Variants in FHIT observed in about 807,000 individuals in gnomAD.
FHIT encodes the protein bis(5'-adenosyl)-triphosphatase.
In FHIT, 19 loss-of-function variants were observed where a neutral mutation model predicts 17.9. The ratio of observed to expected loss-of-function variants is 1.06; its 90% CI spans 0.74 to 1.56. The LOEUF (loss-of-function observed/expected upper bound fraction) is 1.56, where lower values mean the gene tolerates loss of function less well. Ranked by LOEUF, FHIT falls within the 40% of genes most tolerant of loss-of-function variation. FHIT has a pLI of 0.00. For missense variants in FHIT, 248 were observed against 189.2 expected (o/e 1.31, Z -1.82); for synonymous variants, 81 against 69.7 (o/e 1.16, Z -0.81).
At chr3:61,047,638 G>T (rs1227237994) in intron 2 of FHIT, among the ~76,000 whole-genome samples, 1 of 152,078 alleles carries the variant, frequency 6.6e-6, no homozygotes, top group Non-Finnish European at 1.5e-5. Flanking sequence ...CTACTTTAAA[G>T]TTCATATGGA....
At chr3:60,981,327 C>T (rs1710484656) in intron 3 of FHIT, among the ~76,000 whole-genome samples, 1 of 123,734 alleles carries the variant, frequency 8.1e-6, no homozygotes, top group Non-Finnish European at 1.6e-5. Context: ...TTTTTTTTGA[C>T]AGAGTCTCAC....
chr3:60,168,146 C>A (rs1434395937), intron 5 of FHIT, among the ~76,000 whole-genome samples: 1 of 152,134 alleles, frequency 6.6e-6, no homozygotes, highest in Non-Finnish European at 1.5e-5. Context: ...TCCAAAAACT[C>A]CTAGTCAGTA....
At chr3:60,854,035 T>C (rs781903331) in intron 3 of FHIT, among the ~76,000 whole-genome samples, 1 of 152,048 alleles carries the variant, frequency 6.6e-6, no homozygotes, top group Non-Finnish European at 1.5e-5. Flanking sequence ...GCCTAAAACA[T>C]AATACCCAGG....
At chr3:60,666,176 T>C in intron 4 of FHIT, among the ~76,000 whole-genome samples, 1 of 152,206 alleles carries the variant, frequency 6.6e-6, no homozygotes, top group South Asian at 2.1e-4. Context: ...TACCCACAAA[T>C]GTCTTTCCAA....
intron 2 of FHIT, among the ~76,000 whole-genome samples, chr3:61,090,914 G>C (rs1223039654): frequency 6.6e-6 from 1 of 152,124 alleles, no homozygotes; most frequent in African/African-American, 2.4e-5. Flanking sequence ...AGAGCTTTCT[G>C]ATTCTGCTGT....
intron 7 of FHIT, among the ~76,000 whole-genome samples, chr3:60,005,168 A>T (rs750275839): frequency 2.6e-5 from 4 of 151,958 alleles, no homozygotes; most frequent in Admixed American, 6.6e-5. Context: ...CATCTCTTTC[A>T]CCTTAGCTGC....
chr3:60,020,995 T>C (rs943434338), intron 5 of FHIT, among the ~76,000 whole-genome samples: 9 of 152,182 alleles, frequency 5.9e-5, no homozygotes, highest in African/African-American at 2.2e-4. Context: ...GGGATTAACA[T>C]ACTCATTTCA....
chr3:60,251,969 T>C (rs933941657), intron 5 of FHIT, among the ~76,000 whole-genome samples: 3 of 152,182 alleles, frequency 2.0e-5, no homozygotes, highest in African/African-American at 7.2e-5. Flanking sequence ...AAATTCCAGC[T>C]AACTCTGGAA....
intron 5 of FHIT, among the ~76,000 whole-genome samples, chr3:60,321,339 G>A (rs114881742): frequency 6.6e-6 from 1 of 152,192 alleles, no homozygotes; most frequent in Non-Finnish European, 1.5e-5. Context: ...AGCCAGGCGT[G>A]GTGGCATACA....
chr3:60,487,970 T>G (rs1228171095), intron 5 of FHIT, among the ~76,000 whole-genome samples: 2 of 152,178 alleles, frequency 1.3e-5, no homozygotes, highest in African/African-American at 4.8e-5. Flanking sequence ...ATGCCAAGTA[T>G]TAAAGGTTCT....
At chr3:60,157,718 T>C (rs1472141053) in intron 5 of FHIT, among the ~76,000 whole-genome samples, 2 of 152,164 alleles carry the variant, frequency 1.3e-5, no homozygotes, top group Admixed American at 1.3e-4. Context: ...CTCCCATATA[T>C]TTTCAAAAAT....
intron 4 of FHIT, among the ~76,000 whole-genome samples, chr3:60,673,417 A>T (rs1201285270): frequency 2.6e-5 from 4 of 152,120 alleles, no homozygotes; most frequent in Admixed American, 6.6e-5. Flanking sequence ...ACACAGGAAC[A>T]GAAAACCAAA....
intron 2 of FHIT, among the ~76,000 whole-genome samples, chr3:61,125,972 G>A (rs1048261673): frequency 1.3e-5 from 2 of 152,174 alleles, no homozygotes; most frequent in African/African-American, 4.8e-5. Context: ...TAACAGGATG[G>A]TGAGTTGCTG....
At chr3:60,042,618 AT>A (rs1034099272) in intron 5 of FHIT, among the ~76,000 whole-genome samples, 2 of 151,940 alleles carry the variant, frequency 1.3e-5, no homozygotes, top group African/African-American at 4.8e-5. Context: ...TACAAGTCAT[AT>A]TGCACTAGGG....
At chr3:60,681,317 T>G (rs2040743220) in intron 4 of FHIT, among the ~76,000 whole-genome samples, 2 of 152,170 alleles carry the variant, frequency 1.3e-5, no homozygotes, top group Admixed American at 1.3e-4. Flanking sequence ...GATGGTGAAC[T>G]TTATCAGTAA....
intron 7 of FHIT, among the ~76,000 whole-genome samples, chr3:59,991,624 A>G (rs62240119): frequency 0.098 from 14,856 of 152,082 alleles, 981 homozygotes; most frequent in South Asian, 0.19. Context: ...TTTTCATCTT[A>G]GTCCCTTCTT....
Position 61,174,618 on chromosome 3 carries a change from G to A in FHIT, c.-164+25999C>T, listed in dbSNP as rs532745340. Among the ~76,000 whole-genome samples, 23 of 152,252 alleles carry A rather than the reference G, an allele frequency of 1.5e-4. No individual in the cohort carries two copies. In the South Asian group the frequency reaches 2.3e-3, roughly 15 times the overall value. ...TCAGCATGTATTTTCTGTAAGAAAG[G>A]TATTTTTCACATGCTATAGCCAGGC... is the stretch of plus-strand genomic sequence containing the variant. On this transcript the variant is annotated intron_variant, in intron 2 of 9. Coordinates refer to ENST00000492590, the MANE Select transcript of FHIT (RefSeq NM_002012.4).
intron 5 of FHIT, among the ~76,000 whole-genome samples, chr3:60,310,388 A>G (rs903205921): frequency 6.6e-6 from 1 of 152,206 alleles, no homozygotes; most frequent in Non-Finnish European, 1.5e-5. Context: ...AAGAAGTAGA[A>G]CAAGAATTGG....
intron 8 of FHIT, among the ~76,000 whole-genome samples, chr3:59,857,875 G>A (rs150537693): frequency 1.4e-3 from 211 of 152,250 alleles, no homozygotes; most frequent in African/African-American, 5.0e-3. Context: ...AAACCAGGTG[G>A]TGAAAGAAGG....
Sources: gnomAD v4.1 joint callset for allele counts (sites outside exome capture counted in the v4.1 genomes callset) on GRCh38, gnomAD v4.1.1 for gene constraint, MANE v1.5 for transcripts, NCBI Gene and HGNC (gene_info 2026-07-23, HGNC 2026-07-21) for gene names.